The following NLGN1 variants were observed in gnomAD, a reference collection of about 807,000 sequenced individuals.
The protein encoded by NLGN1 is neuroligin-1.
NLGN1 carries 12 observed loss-of-function variants against 65.5 expected under a neutral mutation model. The observed-to-expected ratio is 0.18, with a 90% CI of 0.12 to 0.30. The LOEUF (loss-of-function observed/expected upper bound fraction) is 0.30. Ranked by LOEUF, NLGN1 falls within the 10% of genes least tolerant of loss-of-function variation. The probability of loss-of-function intolerance (pLI) is 1.00; values close to 1 mark genes in which losing one functional copy is unlikely to be tolerated. For missense variants in NLGN1, 750 were observed against 1,007.1 expected (o/e 0.74, Z 3.46); for synonymous variants, 350 against 359.5 (o/e 0.97, Z 0.30).
chr3:173,835,620 C>G (rs1049327756), intron 4 of NLGN1, among the ~76,000 whole-genome samples: 4 of 150,186 alleles, frequency 2.7e-5, no homozygotes, highest in Admixed American at 2.7e-4. Flanking sequence ...CTTTTTCTCT[C>G]ATCTATGCCC....
chr3:173,466,025 A>G (rs1724285510), intron 2 of NLGN1, among the ~76,000 whole-genome samples: 1 of 152,230 alleles, frequency 6.6e-6, no homozygotes, highest in Non-Finnish European at 1.5e-5. Context: ...CAACAATTAT[A>G]AACAAAGATA....
chr3:173,408,422 T>C (rs1384803034), intron 1 of NLGN1, among the ~76,000 whole-genome samples: 3 of 152,196 alleles, frequency 2.0e-5, no homozygotes, highest in African/African-American at 7.2e-5. Context: ...TATTCTTCCG[T>C]TTCTACTAAA....
intron 4 of NLGN1, among the ~76,000 whole-genome samples, chr3:173,889,910 GAAAGAATGCAAT>G (rs1735022760): frequency 6.6e-6 from 1 of 152,014 alleles, no homozygotes; most frequent in Admixed American, 6.6e-5. Context: ...ACAGACATAA[GAAAGAATGCAAT>G]AAATTGTGGG....
chr3:173,504,013 A>G (rs1164437498), intron 2 of NLGN1, among the ~76,000 whole-genome samples: 1 of 152,128 alleles, frequency 6.6e-6, no homozygotes, highest in Non-Finnish European at 1.5e-5. Flanking sequence ...CAACATCAGA[A>G]ATCTGATAAT....
rs184821470 is a variant in NLGN1 at position 173,565,040 on chromosome 3, A to G, written c.-320-39239A>G. 3.9e-4 allele frequency among the ~76,000 whole-genome samples: 60 copies of G among 152,276 alleles called. 1 individual carries two copies. The highest frequency in any genetic ancestry group is 1.3e-3 in the African/African-American group (56 of 41,568). On this transcript the variant is annotated intron_variant, in intron 2 of 6. Transcript: ENST00000457714. ...GGGAATGATGAGGCTACATCCTGCC[A>G]AAAGGGAAACTCTGCCCAGGATGAT...
chr3:173,490,679 T>G (rs571646068), intron 2 of NLGN1, among the ~76,000 whole-genome samples: 1 of 152,270 alleles, frequency 6.6e-6, no homozygotes, highest in East Asian at 1.9e-4. Context: ...ATAAATTACC[T>G]TGGGCAGTAT....
intron 1 of NLGN1, among the ~76,000 whole-genome samples, chr3:173,427,133 A>G (rs908020233): frequency 9.2e-5 from 14 of 151,970 alleles, no homozygotes; most frequent in Non-Finnish European, 1.9e-4. Flanking sequence ...ATAATCTCCA[A>G]TAATCCTTTA....
At chr3:173,705,776 C>G (rs1417050284) in intron 3 of NLGN1, among the ~76,000 whole-genome samples, 1 of 151,842 alleles carries the variant, frequency 6.6e-6, no homozygotes, top group Non-Finnish European at 1.5e-5. Context: ...ATGTGGAGAG[C>G]CTGATCCTTT....
intron 3 of NLGN1, among the ~76,000 whole-genome samples, chr3:173,747,075 C>T (rs1025806186): frequency 8.6e-5 from 13 of 150,610 alleles, no homozygotes; most frequent in Admixed American, 2.0e-4. Flanking sequence ...CACACACACA[C>T]ACACACACAC....
rs186255541 is a variant in NLGN1, at chr3:173,405,068, T to A, written c.-390+6581T>A. 3.7e-3 allele frequency among the ~76,000 whole-genome samples: 568 copies of A among 152,224 alleles called. 4 individuals carry two copies. Among genetic ancestry groups the A allele is most frequent in the African/African-American group, 0.013 (547 of 41,548 alleles). ...GCATTAGCTTAAGAATTTAAAAAAA[T>A]TTATCCTATTCAGAACCTCTTCTGA... On this transcript the variant is annotated intron_variant, in intron 1 of 6. Coordinates refer to ENST00000457714, the Ensembl canonical transcript of NLGN1.
intron 2 of NLGN1, chr3:173,585,092 G>A (rs1383205062): frequency 6.6e-6 from 1 of 152,406 alleles, no homozygotes; most frequent in Non-Finnish European, 1.5e-5. Flanking sequence ...CCACTGCGCG[G>A]AAGGTGATGC....
intron 4 of NLGN1, among the ~76,000 whole-genome samples, chr3:174,136,965 T>C (rs1721336253): frequency 6.6e-6 from 1 of 152,120 alleles, no homozygotes; most frequent in Non-Finnish European, 1.5e-5. Flanking sequence ...CTACCAAACA[T>C]AGCTTAGCCT....
At chr3:173,564,804 A>G (rs2149309673) in intron 2 of NLGN1, among the ~76,000 whole-genome samples, 1 of 152,350 alleles carries the variant, frequency 6.6e-6, no homozygotes, top group Non-Finnish European at 1.5e-5. Context: ...TTTAAATTAT[A>G]TCCTCTTCAA....
chr3:173,461,749 T>C (rs994673156), intron 2 of NLGN1, among the ~76,000 whole-genome samples: 1 of 152,098 alleles, frequency 6.6e-6, no homozygotes, highest in Non-Finnish European at 1.5e-5. Context: ...AAATATATTG[T>C]AACATTCTAC....
chr3:174,058,766 TTCCTTATAGTAA>T (rs1486580407), intron 4 of NLGN1, among the ~76,000 whole-genome samples: 1 of 152,018 alleles, frequency 6.6e-6, no homozygotes, highest in Non-Finnish European at 1.5e-5. Flanking sequence ...GAAAAAAAAA[TTCCTTATAGTAA>T]TCCATGTCAT....
intron 4 of NLGN1, among the ~76,000 whole-genome samples, chr3:173,965,859 C>T (rs1276955231): frequency 6.6e-6 from 1 of 152,120 alleles, no homozygotes; most frequent in Admixed American, 6.6e-5. Context: ...AGTACCTATA[C>T]ATTCTATCAA....
chr3:173,828,834 A>C (rs563215958), intron 4 of NLGN1, among the ~76,000 whole-genome samples: 22 of 152,208 alleles, frequency 1.4e-4, no homozygotes, highest in African/African-American at 3.6e-4. Flanking sequence ...TGGTTGTGAA[A>C]CAGAAACTTG....
chr3:173,599,051 C>T lies in NLGN1; in HGVS notation c.-320-5228C>T, dbSNP rs190788114. Reference sequence around the variant, plus strand: ...TGTGACCAACAGTGTTTGTCCAGATCGTAGTTCTTTTAAGCCCATCTTAAA... The same window carrying T: ...TGTGACCAACAGTGTTTGTCCAGATTGTAGTTCTTTTAAGCCCATCTTAAA... On this transcript the variant is annotated intron_variant, in intron 2 of 6. Transcript: ENST00000457714. 2.5e-4 allele frequency among the ~76,000 whole-genome samples: 38 copies of T among 152,202 alleles called. No homozygotes were observed. In the Middle Eastern group the frequency reaches 0.014, roughly 54 times the overall value.
At chr3:174,144,403 T>C (rs1386736469) in intron 4 of NLGN1, among the ~76,000 whole-genome samples, 1 of 152,222 alleles carries the variant, frequency 6.6e-6, no homozygotes, top group East Asian at 1.9e-4. Flanking sequence ...TATAGTAGAA[T>C]GATTTATAAT....
Sources: gnomAD v4.1 joint callset for allele counts (sites outside exome capture counted in the v4.1 genomes callset) on GRCh38, gnomAD v4.1.1 for gene constraint, MANE v1.5 for transcripts, NCBI Gene and HGNC (gene_info 2026-07-23, HGNC 2026-07-21) for gene names.